CPNE4: variants seen among roughly 807,000 people sequenced by gnomAD.
CPNE4 encodes the protein copine-4.
A neutral mutation model predicts 67.9 loss-of-function variants in CPNE4; 25 were observed. That is an observed-to-expected ratio of 0.37 (90% CI 0.27 to 0.51). CPNE4 has a LOEUF of 0.51. Among genes scored for constraint, CPNE4 ranks in the 20% least tolerant of loss-of-function variants. The pLI is 0.93. For missense variants in CPNE4, 464 were observed against 690.8 expected (o/e 0.67, Z 3.68); for synonymous variants, 242 against 244.9 (o/e 0.99, Z 0.11).
chr3:131,606,154 C>T (rs1171278537), intron 7 of CPNE4, among the ~76,000 whole-genome samples: 2 of 152,164 alleles, frequency 1.3e-5, no homozygotes, highest in Non-Finnish European at 2.9e-5. Context: ...ATAGCTTAAT[C>T]AGTCTGCAAA....
At chr3:131,652,684 CAT>C (rs1440111953) in intron 7 of CPNE4, among the ~76,000 whole-genome samples, 24 of 152,318 alleles carry the variant, frequency 1.6e-4, no homozygotes, top group African/African-American at 5.5e-4. Context: ...CATACACACA[CAT>C]GAGCACTTAC....
chr3:132,012,153 A>C (rs2073780530), intron 1 of CPNE4, among the ~76,000 whole-genome samples: 1 of 148,812 alleles, frequency 6.7e-6, no homozygotes, highest in South Asian at 2.2e-4. Context: ...TATTCCAGTA[A>C]AGCTTTCTTT....
At chr3:131,905,471 A>C in intron 1 of CPNE4, 27 bp from the exon 2 acceptor site, 1 of 1,589,526 alleles carries the variant, frequency 6.3e-7, no homozygotes, top group Non-Finnish European at 8.6e-7. Flanking sequence ...AAAGAATAAA[A>C]AAGAAGTGCC....
rs892424394 is a variant in CPNE4 at position 131,991,507 on chromosome 3, T to C, written c.-2+43060A>G. Among the ~76,000 whole-genome samples, 2 of 135,834 alleles carry C rather than the reference T, an allele frequency of 1.5e-5. 1 individual carries two copies. Among genetic ancestry groups the C allele is most frequent in the East Asian group, 4.7e-4 (2 of 4,242 alleles). 89.1% of individuals were successfully genotyped at this position (135,834 alleles called of 152,430 possible). A position where few individuals can be genotyped will look rare whatever the true frequency, so the allele number is the denominator to read the frequency against. ...CCTTGCCCTAGAGATCTGTGGAACTTTGAACTTGAGAGAAATGATTAGGAT... is the reference window on the plus strand; with the variant it reads ...CCTTGCCCTAGAGATCTGTGGAACTCTGAACTTGAGAGAAATGATTAGGAT... On this transcript the variant is annotated intron_variant, in intron 1 of 15. Transcript: ENST00000429747.
At chr3:131,666,818 G>A (rs144553150) in intron 7 of CPNE4, among the ~76,000 whole-genome samples, 96 of 152,122 alleles carry the variant, frequency 6.3e-4, no homozygotes, top group African/African-American at 2.2e-3. Context: ...AAAGGGGAGC[G>A]AGAACGAACT....
At chr3:131,542,885 A>C in intron 14 of CPNE4, 92 bp from the exon 15 acceptor site, 3 of 848,026 alleles carry the variant, frequency 3.5e-6, no homozygotes, top group Non-Finnish European at 5.8e-6. Flanking sequence ...AGGTGGCCTC[A>C]CTGCACATTG....
intron 2 of CPNE4, among the ~76,000 whole-genome samples, chr3:131,783,055 T>C (rs1365520144): frequency 8.5e-5 from 13 of 152,076 alleles, no homozygotes; most frequent in Admixed American, 5.2e-4. Context: ...CCAGCCATCT[T>C]CAATGATGGC....
intron 1 of CPNE4, among the ~76,000 whole-genome samples, chr3:131,947,471 G>A (rs547943917): frequency 2.6e-5 from 4 of 152,160 alleles, no homozygotes; most frequent in South Asian, 4.2e-4. Flanking sequence ...TCACTTATGA[G>A]TGAGAACATG....
intron 3 of CPNE4, among the ~76,000 whole-genome samples, chr3:131,706,051 T>G (rs1463439734): frequency 6.6e-6 from 1 of 152,210 alleles, no homozygotes. Flanking sequence ...CCTAATGTCC[T>G]GGCCAGAGCA....
At chr3:131,801,965 TG>T (rs2084148897) in intron 2 of CPNE4, among the ~76,000 whole-genome samples, 1 of 150,338 alleles carries the variant, frequency 6.7e-6, no homozygotes, top group African/African-American at 2.5e-5. Context: ...TCAGATGGAC[TG>T]ATCTTTCAGG....
At chr3:131,856,532 G>A (rs1194032113) in intron 2 of CPNE4, among the ~76,000 whole-genome samples, 5 of 151,934 alleles carry the variant, frequency 3.3e-5, no homozygotes, top group African/African-American at 7.2e-5. Context: ...ATGAATATTT[G>A]CTGTTGTCTA....
chr3:131,749,754 A>G (rs145104683), intron 2 of CPNE4, among the ~76,000 whole-genome samples: 1 of 152,276 alleles, frequency 6.6e-6, no homozygotes, highest in East Asian at 1.9e-4. Flanking sequence ...TGTATTTGAT[A>G]TTAATTTAGG....
chr3:131,665,868 G>A (rs765078751), intron 7 of CPNE4, among the ~76,000 whole-genome samples: 1 of 151,922 alleles, frequency 6.6e-6, no homozygotes, highest in African/African-American at 2.4e-5. Flanking sequence ...AACACAAAAG[G>A]AGACTTGAAT....
intron 2 of CPNE4, among the ~76,000 whole-genome samples, chr3:131,804,648 G>A (rs183525548): frequency 1.1e-4 from 16 of 152,258 alleles, no homozygotes; most frequent in Admixed American, 9.8e-4. Flanking sequence ...GTATTGGGCT[G>A]GCCTTGTAAC....
chr3:131,581,489 G>T (rs1937832907), intron 9 of CPNE4, 90 bp downstream of exon 9: 2 of 811,222 alleles, frequency 2.5e-6, no homozygotes, highest in Admixed American at 2.2e-5. Context: ...ACATCTTTTT[G>T]ATACTCTTTT....
chr3:131,784,480 T>C (rs1583192615), intron 2 of CPNE4, among the ~76,000 whole-genome samples: 2 of 152,214 alleles, frequency 1.3e-5, no homozygotes, highest in East Asian at 1.9e-4. Flanking sequence ...TCTGACACTA[T>C]GAGAATTCAT....
intron 2 of CPNE4, among the ~76,000 whole-genome samples, chr3:131,848,981 A>AAAAAAAAAAAAAAAC (rs1297906130): frequency 1.4e-5 from 2 of 141,666 alleles, no homozygotes; most frequent in African/African-American, 5.1e-5. Context: ...AAAAAAAAAA[A>AAAAAAAAAAAAAAAC]ACACAGAGAT....
At chr3:131,694,409 T>C (rs1202711932) in intron 5 of CPNE4, among the ~76,000 whole-genome samples, 1 of 152,180 alleles carries the variant, frequency 6.6e-6, no homozygotes, top group East Asian at 1.9e-4. Flanking sequence ...CACAAAAATA[T>C]TGTGGCAGTT....
chr3:131,891,752 C>A (rs1207870408), intron 2 of CPNE4, among the ~76,000 whole-genome samples: 3 of 152,034 alleles, frequency 2.0e-5, no homozygotes, highest in Non-Finnish European at 2.9e-5. Flanking sequence ...AAGGACATAA[C>A]CTTATTCTTT....
Sources: gnomAD v4.1 joint callset for allele counts (sites outside exome capture counted in the v4.1 genomes callset) on GRCh38, gnomAD v4.1.1 for gene constraint, MANE v1.5 for transcripts, NCBI Gene and HGNC (gene_info 2026-07-23, HGNC 2026-07-21) for gene names.